Variants in PCDH9 observed in about 807,000 individuals in gnomAD.
The protein encoded by PCDH9 is protocadherin 9.
Under a neutral mutation model 70.6 loss-of-function variants are expected in PCDH9, and 24 were observed. The ratio of observed to expected loss-of-function variants is 0.34; its 90% CI spans 0.25 to 0.48. The LOEUF is 0.48. Ranked by LOEUF, PCDH9 falls within the 20% of genes least tolerant of loss-of-function variation. PCDH9 has a pLI of 0.99. For synonymous variants in PCDH9, 562 were observed against 558.5 expected, an observed-to-expected ratio of 1.01 and a Z score of -0.09; for missense variants, 1,281 against 1,503.6, an observed-to-expected ratio of 0.85 and a Z score of 2.45.
intron 4 of PCDH9, among the ~76,000 whole-genome samples, chr13:66,455,851 T>G (rs991375190): frequency 1.3e-5 from 2 of 152,068 alleles, no homozygotes; most frequent in Non-Finnish European, 2.9e-5. Context: ...TTTTATATAC[T>G]AAAGAAAGGA....
At chr13:66,516,173 A>G (rs1236862515) in intron 4 of PCDH9, among the ~76,000 whole-genome samples, 2 of 152,030 alleles carry the variant, frequency 1.3e-5, no homozygotes, top group Non-Finnish European at 2.9e-5. Flanking sequence ...GTACTGTACA[A>G]TAGATAAAAC....
At chr13:66,772,779 A>T (rs1347073016) in intron 3 of PCDH9, among the ~76,000 whole-genome samples, 2 of 152,128 alleles carry the variant, frequency 1.3e-5, no homozygotes, top group Non-Finnish European at 2.9e-5. Flanking sequence ...TAAATATATA[A>T]TTTTTTAAGC....
intron 2 of PCDH9, among the ~76,000 whole-genome samples, chr13:67,188,787 AT>A (rs914325018): frequency 6.6e-6 from 1 of 151,938 alleles, no homozygotes; most frequent in African/African-American, 2.4e-5. Context: ...TAGATCTTTA[AT>A]TTTTTTTAAT....
chr13:66,590,613 G>A (rs1469038863), intron 4 of PCDH9, among the ~76,000 whole-genome samples: 1 of 151,848 alleles, frequency 6.6e-6, no homozygotes, highest in African/African-American at 2.4e-5. Flanking sequence ...TGGAAGTTAA[G>A]CTAATTGTAA....
intron 2 of PCDH9, among the ~76,000 whole-genome samples, chr13:66,987,134 T>G: frequency 6.6e-6 from 1 of 152,180 alleles, no homozygotes; most frequent in Admixed American, 6.6e-5. Context: ...GTTCTTATAA[T>G]TTAAAAGTAA....
intron 3 of PCDH9, among the ~76,000 whole-genome samples, chr13:66,717,503 A>G (rs868035646): frequency 1.6e-3 from 197 of 125,816 alleles, no homozygotes; most frequent in African/African-American, 5.3e-3. Context: ...ATATATATAT[A>G]TATATGTATA....
chr13:66,744,316 G>T (rs1566165118), intron 3 of PCDH9, among the ~76,000 whole-genome samples: 1 of 152,068 alleles, frequency 6.6e-6, no homozygotes, highest in African/African-American at 2.4e-5. Flanking sequence ...TTATGAAAAA[G>T]AATAAACCAT....
intron 4 of PCDH9, among the ~76,000 whole-genome samples, chr13:66,527,833 C>A (rs937903200): frequency 1.3e-5 from 2 of 152,062 alleles, no homozygotes; most frequent in Admixed American, 6.6e-5. Context: ...GCCTGGGGAA[C>A]ATGGCAAAAT....
chr13:67,106,227 G>C (rs946602743), intron 2 of PCDH9, among the ~76,000 whole-genome samples: 2 of 152,138 alleles, frequency 1.3e-5, no homozygotes, highest in Non-Finnish European at 2.9e-5. Context: ...TTGGGGCTCT[G>C]CTCTATATAT....
intron 2 of PCDH9, among the ~76,000 whole-genome samples, chr13:67,073,574 T>A (rs930541604): frequency 6.6e-6 from 1 of 152,116 alleles, no homozygotes; most frequent in African/African-American, 2.4e-5. Flanking sequence ...ATCTCTTATA[T>A]AACTATGTGC....
chr13:66,322,574 G>C (rs1018411986), intron 4 of PCDH9, among the ~76,000 whole-genome samples: 4 of 151,988 alleles, frequency 2.6e-5, no homozygotes, highest in African/African-American at 9.7e-5. Flanking sequence ...TAGAGAATCA[G>C]GCACAGGCCA....
intron 2 of PCDH9, among the ~76,000 whole-genome samples, chr13:66,994,320 G>T (rs1327509733): frequency 6.6e-6 from 1 of 152,140 alleles, no homozygotes; most frequent in African/African-American, 2.4e-5. Context: ...CGGCAACCCT[G>T]AAAGGAACGG....
intron 2 of PCDH9, chr13:67,220,330 A>G (rs2089696784): frequency 6.6e-6 from 1 of 151,990 alleles, no homozygotes; most frequent in Non-Finnish European, 1.5e-5. Context: ...TAATTTATAG[A>G]TATTTTACAC....
At chr13:66,556,743 T>C (rs1316053325) in intron 4 of PCDH9, among the ~76,000 whole-genome samples, 1 of 152,154 alleles carries the variant, frequency 6.6e-6, no homozygotes, top group African/African-American at 2.4e-5. Flanking sequence ...TACTTAAAAC[T>C]ATATTGTGGC....
At chr13:66,340,312 A>G (rs1956104363) in intron 4 of PCDH9, among the ~76,000 whole-genome samples, 1 of 152,198 alleles carries the variant, frequency 6.6e-6, no homozygotes, top group Non-Finnish European at 1.5e-5. Context: ...AGAGAAAGGT[A>G]GATTTGGGAG....
intron 4 of PCDH9, among the ~76,000 whole-genome samples, chr13:66,337,849 CT>C: frequency 6.6e-6 from 1 of 152,064 alleles, no homozygotes; most frequent in East Asian, 1.9e-4. Flanking sequence ...CATTTTTAGC[CT>C]GATGTTGGAA....
chr13:67,158,018 T>G (rs1269689323), intron 2 of PCDH9, among the ~76,000 whole-genome samples: 1 of 152,204 alleles, frequency 6.6e-6, no homozygotes, highest in Non-Finnish European at 1.5e-5. Context: ...AGTTTAAAAG[T>G]AAACTTCTTA....
chr13:66,548,582 G>T (rs544136178), intron 4 of PCDH9, among the ~76,000 whole-genome samples: 4 of 151,602 alleles, frequency 2.6e-5, no homozygotes, highest in African/African-American at 9.7e-5. Context: ...AAAATTAAAC[G>T]TTCAAAAACT....
intron 3 of PCDH9, among the ~76,000 whole-genome samples, chr13:66,750,947 C>A (rs1356042982): frequency 6.6e-6 from 1 of 152,034 alleles, no homozygotes; most frequent in African/African-American, 2.4e-5. Context: ...GAGTACAGCA[C>A]ATTAATGAAG....
Sources: gnomAD v4.1 joint callset for allele counts (sites outside exome capture counted in the v4.1 genomes callset) on GRCh38, gnomAD v4.1.1 for gene constraint, MANE v1.5 for transcripts, NCBI Gene and HGNC (gene_info 2026-07-23, HGNC 2026-07-21) for gene names.